MALRD1: variants seen among roughly 807,000 people sequenced by gnomAD.
The protein encoded by MALRD1 is MAM and LDL receptor class A domain containing 1.
In MALRD1, 247 loss-of-function variants were observed where a neutral mutation model predicts 242.1. The observed-to-expected ratio is 1.02, with a 90% CI of 0.92 to 1.13. The LOEUF (loss-of-function observed/expected upper bound fraction) is 1.13. MALRD1 is among the 50% of genes most tolerant of loss of function. MALRD1 has a pLI of 0.00. For synonymous variants in MALRD1, 995 were observed against 866.6 expected (o/e 1.15, Z -2.60); for missense variants, 2,989 against 2,533.1 (o/e 1.18, Z -3.86).
chr10:19,367,154 T>C (rs971210850), intron 26 of MALRD1, among the ~76,000 whole-genome samples: 2 of 152,128 alleles, frequency 1.3e-5, no homozygotes, highest in Non-Finnish European at 2.9e-5. Flanking sequence ...TTTGAAACTG[T>C]AATATATTAT....
intron 31 of MALRD1, among the ~76,000 whole-genome samples, chr10:19,524,871 T>C (rs1267082096): frequency 1.3e-5 from 2 of 150,896 alleles, no homozygotes; most frequent in Admixed American, 6.6e-5. Context: ...AAAGCATACC[T>C]TTCCTTTATT....
In MALRD1 at chr10:19,450,292, C is replaced by A; in HGVS notation, c.4846-15C>A. On this transcript the variant is annotated splice_polypyrimidine_tract_variant and intron_variant, in intron 28 of 39. Coordinates refer to ENST00000454679, the MANE Select transcript of MALRD1 (RefSeq NM_001142308.3). Reference sequence around the variant, plus strand: ...TGTTTGATTATTTCCCTCATACAAACTTCTTTACTTTCAGACAGAGAAAGG... The same window carrying A: ...TGTTTGATTATTTCCCTCATACAAAATTCTTTACTTTCAGACAGAGAAAGG... The A allele has an allele frequency of 6.5e-7, 1 of 1,541,906 alleles. No individual in the cohort carries two copies. The highest frequency in any genetic ancestry group is 8.7e-7 in the Non-Finnish European group (1 of 1,143,622).
intron 28 of MALRD1, among the ~76,000 whole-genome samples, chr10:19,438,278 T>C (rs912752184): frequency 6.6e-6 from 1 of 152,128 alleles, no homozygotes; most frequent in Admixed American, 6.6e-5. Context: ...TCCTCAAATA[T>C]AAAAATGTCC....
chr10:19,581,837 CA>C (rs1199856059), intron 33 of MALRD1, among the ~76,000 whole-genome samples: 1 of 151,722 alleles, frequency 6.6e-6, no homozygotes, highest in Non-Finnish European at 1.5e-5. Context: ...GTCCCACCAA[CA>C]GTGTAAAAGT....
intron 1 of MALRD1, among the ~76,000 whole-genome samples, chr10:19,052,973 G>T (rs1834554317): frequency 6.6e-6 from 1 of 152,160 alleles, no homozygotes; most frequent in Non-Finnish European, 1.5e-5. Flanking sequence ...TAGGCCAGAA[G>T]CCGTCAGGCA....
intron 18 of MALRD1, among the ~76,000 whole-genome samples, chr10:19,220,853 C>T (rs530268895): frequency 1.1e-3 from 161 of 152,240 alleles, no homozygotes; most frequent in African/African-American, 3.5e-3. Flanking sequence ...AATTATTTGG[C>T]ACCCAGGAAA....
intron 34 of MALRD1, chr10:19,598,171 T>G (rs1265289984): frequency 6.6e-6 from 1 of 152,068 alleles, no homozygotes; most frequent in East Asian, 1.9e-4. Flanking sequence ...TAGGTAACAG[T>G]GTAAGGTAAA....
chr10:19,507,035 G>T (rs952385496), intron 31 of MALRD1, among the ~76,000 whole-genome samples: 2 of 152,010 alleles, frequency 1.3e-5, no homozygotes, highest in Non-Finnish European at 2.9e-5. Context: ...GGGGGAGCAG[G>T]CACAACGCAT....
At chr10:19,640,767 C>G (rs1310702077) in intron 36 of MALRD1, among the ~76,000 whole-genome samples, 1 of 152,116 alleles carries the variant, frequency 6.6e-6, no homozygotes, top group Non-Finnish European at 1.5e-5. Flanking sequence ...TTTCCCCTTT[C>G]TACCCAATCC....
At chr10:19,184,947 G>T (rs563024512) in intron 14 of MALRD1, among the ~76,000 whole-genome samples, 1 of 152,224 alleles carries the variant, frequency 6.6e-6, no homozygotes, top group African/African-American at 2.4e-5. Context: ...CTGTGGCAGT[G>T]TCCCTGTGTT....
intron 38 of MALRD1, chr10:19,716,786 A>G (rs1834412021): frequency 6.6e-6 from 1 of 152,230 alleles, no homozygotes. Flanking sequence ...TTCACTTTGA[A>G]TGGATCACTT....
chr10:19,670,879 A>AT (rs538335690), intron 36 of MALRD1, among the ~76,000 whole-genome samples: 5,587 of 134,242 alleles, frequency 0.042, 159 homozygotes, highest in African/African-American at 0.084. Context: ...CAAAACAATC[A>AT]TTTTTTTTTT....
intron 1 of MALRD1, chr10:19,051,731 T>TCAC (rs1194818253): frequency 6.5e-6 from 1 of 154,506 alleles, no homozygotes; most frequent in African/African-American, 2.4e-5. Context: ...GAGACCATCC[T>TCAC]GGCTCACGGT....
In MALRD1 at chr10:19,539,910, G is replaced by A. The variant is rs1564425573; in HGVS notation, c.5478+8559G>A. Among the ~76,000 whole-genome samples, 26 of 23,596 alleles carry A rather than the reference G, an allele frequency of 1.1e-3. 2 individuals carry two copies. The highest frequency in any genetic ancestry group is 2.0e-3 in the Admixed American group (5 of 2,536). The allele number at this position is 23,596 out of a possible 152,430, so 15.5% of individuals were successfully genotyped here. ...TGTGTGTGTGTGTGCGCGCGCGCGT[G>A]CGCGCACACACGCGCAGTGATGGGG... On this transcript the variant is annotated intron_variant, in intron 32 of 39. Transcript: ENST00000454679.
chr10:19,421,162 T>C (rs11009826), intron 28 of MALRD1, among the ~76,000 whole-genome samples: 12,341 of 152,248 alleles, frequency 0.081, 532 homozygotes, highest in East Asian at 0.15. Flanking sequence ...CAACAATACC[T>C]GATGTCTTTT....
chr10:19,587,180 C>G (rs1202342846), intron 33 of MALRD1, among the ~76,000 whole-genome samples: 2 of 152,208 alleles, frequency 1.3e-5, no homozygotes, highest in Non-Finnish European at 2.9e-5. Flanking sequence ...CAGAAATCAC[C>G]CATCTTCTGC....
At position 19,689,647 on chromosome 10, in the gene MALRD1, C is replaced by T. The variant is rs117803284; in HGVS notation, c.6138-2635C>T. ...ATATTGAAAAAATTATCTTATACAA[C>T]GATATGAAAATAATACAATTTTATT... On this transcript the variant is annotated intron_variant, in intron 36 of 39. Coordinates refer to ENST00000454679, the MANE Select transcript of MALRD1 (RefSeq NM_001142308.3). 3.9e-3 allele frequency among the ~76,000 whole-genome samples: 588 copies of T among 152,180 alleles called. 6 individuals carry two copies. Among genetic ancestry groups the T allele is most frequent in the Non-Finnish European group, 2.7e-3 (186 of 67,970 alleles).
At chr10:19,625,301 A>G (rs1053625778) in intron 36 of MALRD1, among the ~76,000 whole-genome samples, 1 of 144,464 alleles carries the variant, frequency 6.9e-6, no homozygotes, top group African/African-American at 2.4e-5. Flanking sequence ...ACTTAACTTT[A>G]TTTGCATTTG....
chr10:19,255,281 T>C (rs1415508650), intron 18 of MALRD1, among the ~76,000 whole-genome samples: 1 of 152,022 alleles, frequency 6.6e-6, no homozygotes, highest in Non-Finnish European at 1.5e-5. Context: ...AAAATTCGAC[T>C]TCCCTAATTT....
Sources: gnomAD v4.1 joint callset for allele counts (sites outside exome capture counted in the v4.1 genomes callset) on GRCh38, gnomAD v4.1.1 for gene constraint, MANE v1.5 for transcripts, NCBI Gene and HGNC (gene_info 2026-07-23, HGNC 2026-07-21) for gene names.